The following TRIM3 variants were observed in gnomAD, a reference collection of about 807,000 sequenced individuals.
The protein encoded by TRIM3 is tripartite motif-containing protein 3.
In TRIM3, 13 loss-of-function variants were observed where a neutral mutation model predicts 66.6. That is an observed-to-expected ratio of 0.20 (90% CI 0.13 to 0.31). The LOEUF (loss-of-function observed/expected upper bound fraction) is 0.31, where lower values mean the gene tolerates loss of function less well. Ranked by LOEUF, TRIM3 falls within the 10% of genes least tolerant of loss-of-function variation. The probability of loss-of-function intolerance (pLI) is 1.00; values close to 1 mark genes in which losing one functional copy is unlikely to be tolerated. For synonymous variants in TRIM3, 406 were observed against 411.7 expected (o/e 0.99, Z 0.17); for missense variants, 711 against 1,020.4 (o/e 0.70, Z 4.13).
In TRIM3 at chr11:6,449,658, C is replaced by A. The variant is rs1033497271; in HGVS notation, c.1942-212G>T. The A allele has an allele frequency of 2.1e-6, 1 of 466,724 alleles. No homozygotes were observed. Among genetic ancestry groups the A allele is most frequent in the Non-Finnish European group, 3.8e-6 (1 of 265,058 alleles). 28.9% of individuals were successfully genotyped at this position (466,724 alleles called of 1,614,324 possible). On this transcript the variant is annotated intron_variant, in intron 10 of 11. Coordinates refer to ENST00000345851, the MANE Select transcript of TRIM3 (RefSeq NM_033278.4). The surrounding 1 kb of genome is among the most constrained non-coding windows in gnomAD (Gnocchi z 5.3). ...ATTGGGAATATCAAATCTAACAGCTCATTTTCTTTGGGAAATCAGTTCTCT... is the reference window on the plus strand; with the variant it reads ...ATTGGGAATATCAAATCTAACAGCTAATTTTCTTTGGGAAATCAGTTCTCT...
At chr11:6,464,752 C>G (rs1168072684) in intron 2 of TRIM3, among the ~76,000 whole-genome samples, 2 of 151,996 alleles carry the variant, frequency 1.3e-5, no homozygotes. Context: ...TTTGGGAGGC[C>G]GAGGTAGGCG....
At chr11:6,461,830 C>A (rs1022990250) in intron 2 of TRIM3, among the ~76,000 whole-genome samples, 3 of 152,090 alleles carry the variant, frequency 2.0e-5, no homozygotes, top group African/African-American at 7.2e-5. Flanking sequence ...CTAGGGTGAA[C>A]TTTTTACATT....
At chr11:6,469,679 C>G (rs377385285) in intron 1 of TRIM3, among the ~76,000 whole-genome samples, 2 of 152,268 alleles carry the variant, frequency 1.3e-5, no homozygotes, top group African/African-American at 4.8e-5. Context: ...GACACAAAGA[C>G]AAATAGTCAC....
At chr11:6,464,613 C>T (rs865999142) in intron 2 of TRIM3, among the ~76,000 whole-genome samples, 5 of 152,222 alleles carry the variant, frequency 3.3e-5, no homozygotes, top group Middle Eastern at 3.4e-3. Flanking sequence ...CCTTAAATAC[C>T]CTACTTGATT....
intron 1 of TRIM3, among the ~76,000 whole-genome samples, chr11:6,467,169 G>C (rs916514997): frequency 3.9e-5 from 6 of 152,124 alleles, no homozygotes; most frequent in East Asian, 3.9e-4. Flanking sequence ...AAGAAAAAAG[G>C]GATGCTGTGA....
Position 6,456,552 on chromosome 11 carries a change from C to A in TRIM3, c.1174G>T (p.Ala392Ser). The change falls in exon 6 of 12, where the codon GCG becomes TCG. Residue 392 changes from alanine to serine, a missense_variant. By Grantham distance (99) the Ala-to-Ser change is moderately conservative (BLOSUM62 1). Transcript: ENST00000345851. This position sits in a 1 kb window ranked among gnomAD's most constrained non-coding sequence, Gnocchi z 6.4. ...AGGAGCAGCTCGCCTTCCGTGCGCG[C>A]TGTGTACACTAGCTCATATGTGCCA... ...KNGTYELVYT[A>S]RTEGELLLSV... 1 of 1,609,924 alleles carries A rather than the reference C, an allele frequency of 6.2e-7. No homozygotes were observed. The highest frequency in any genetic ancestry group is 8.5e-7 in the Non-Finnish European group (1 of 1,177,486).
chr11:6,457,663 C>A lies in TRIM3; in HGVS notation c.515+33G>T, dbSNP rs758424852. On this transcript the variant is annotated intron_variant, in intron 4 of 11. Transcript: ENST00000345851. The surrounding 1 kb of genome is among the most constrained non-coding windows in gnomAD (Gnocchi z 4.5). The stretch of plus-strand genomic sequence containing the variant: ...CCGAGCTAAGACACCATCCCTGTGG[C>A]CCCACCAGCCCAGGACCCTGCCCAG... 12 of 1,595,628 alleles carry A rather than the reference C, an allele frequency of 7.5e-6. No homozygotes were observed. Among genetic ancestry groups the A allele is most frequent in the Non-Finnish European group, 1.0e-5 (12 of 1,167,554 alleles).
At chr11:6,473,046 C>G (rs997353712) in intron 1 of TRIM3, 1 of 152,714 alleles carries the variant, frequency 6.5e-6, no homozygotes, top group African/African-American at 2.4e-5. Context: ...ACCCCCACAC[C>G]AAGAACAAGC....
At chr11:6,460,046 G>C (rs1421088446) in intron 2 of TRIM3, among the ~76,000 whole-genome samples, 1 of 152,204 alleles carries the variant, frequency 6.6e-6, no homozygotes, top group African/African-American at 2.4e-5. Context: ...AAGAGAGAGG[G>C]ACAGAGCACT....
At position 6,450,138 on chromosome 11, in the gene TRIM3, T is replaced by C. The variant is rs181652113; in HGVS notation, c.1941+413A>G. The C allele has an allele frequency of 8.5e-4, 151 of 177,070 alleles. No homozygotes were observed. The highest frequency in any genetic ancestry group is 3.4e-3 in the African/African-American group (143 of 42,194). The allele number at this position is 177,070 out of a possible 1,614,324, so 11.0% of individuals were successfully genotyped here. A position where few individuals can be genotyped will look rare whatever the true frequency, so the allele number is the denominator to read the frequency against. ...TTGCATTCTTGGCTCTTCCTGTGTC[T>C]TTTGTCTCAAACACTCTCGTCCTCC... On this transcript the variant is annotated intron_variant, in intron 10 of 11. Transcript: ENST00000345851. The surrounding 1 kb of genome is among the most constrained non-coding windows in gnomAD (Gnocchi z 4.8).
Position 6,450,687 on chromosome 11 carries a change from T to C in TRIM3, c.1871-66A>G, listed in dbSNP as rs1849683838. The stretch of plus-strand genomic sequence containing the variant: ...GCTGAGTGGGATGGGGAAGAGTATC[T>C]GGGAAGATAAAAGCTAGGGTGTTAG... On this transcript the variant is annotated intron_variant, in intron 9 of 11. Coordinates refer to ENST00000345851, the MANE Select transcript of TRIM3 (RefSeq NM_033278.4). The surrounding 1 kb of genome is among the most constrained non-coding windows in gnomAD (Gnocchi z 4.8). The C allele has an allele frequency of 6.5e-7, 1 of 1,530,720 alleles. No homozygotes were observed. Among genetic ancestry groups the C allele is most frequent in the South Asian group, 1.1e-5 (1 of 89,370 alleles). 94.8% of individuals were successfully genotyped at this position (1,530,720 alleles called of 1,614,324 possible). A position where few individuals can be genotyped will look rare whatever the true frequency, so the allele number is the denominator to read the frequency against.
chr11:6,456,357 A>G lies in TRIM3; in HGVS notation c.1369T>C (p.Tyr457His). The change falls in exon 6 of 12, where the codon TAC becomes CAC. Residue 457 changes from tyrosine to histidine, a missense_variant. This residue lies in a region of TRIM3 where 399 missense variants were observed against 458.1 expected (regional missense o/e 0.87). Coordinates refer to ENST00000345851, the MANE Select transcript of TRIM3 (RefSeq NM_033278.4). This position sits in a 1 kb window ranked among gnomAD's most constrained non-coding sequence, Gnocchi z 6.4. Reference sequence around the variant, plus strand: ...TCCTTTCGTTTGCCGCCTGTGCTGTACATGGAGCTGGGCCTACGCACTGCC... The same window carrying G: ...TCCTTTCGTTTGCCGCCTGTGCTGTGCATGGAGCTGGGCCTACGCACTGCC... The part of the protein sequence containing the change: ...QKAVRRPSSM[Y>H]STGGKRKDNP... 5 of 1,539,116 alleles carry G rather than the reference A, an allele frequency of 3.2e-6. No homozygotes were observed. The highest frequency in any genetic ancestry group is 2.6e-6 in the Non-Finnish European group (3 of 1,140,082).
chr11:6,469,622 C>T (rs1850605799), intron 1 of TRIM3, among the ~76,000 whole-genome samples: 1 of 152,142 alleles, frequency 6.6e-6, no homozygotes, highest in South Asian at 2.1e-4. Context: ...CTCAAGGCAC[C>T]TCACTCCCTC....
At chr11:6,468,636 T>C (rs1352009929) in intron 1 of TRIM3, among the ~76,000 whole-genome samples, 1 of 152,124 alleles carries the variant, frequency 6.6e-6, no homozygotes, top group African/African-American at 2.4e-5. Flanking sequence ...CCACTAGATT[T>C]GGCTGTGGTG....
intron 1 of TRIM3, among the ~76,000 whole-genome samples, chr11:6,469,347 C>T (rs2134230353): frequency 6.6e-6 from 1 of 152,330 alleles, no homozygotes; most frequent in East Asian, 1.9e-4. Flanking sequence ...AGTTCCCCTC[C>T]CAGACTTACT....
Position 6,465,677 on chromosome 11 carries a change from T to C in TRIM3, c.19A>G (p.Ser7Gly). The change falls in exon 2 of 12, where the codon AGC becomes GGC. Residue 7 changes from serine (S) to glycine (G), a missense_variant. By Grantham distance (56) the Ser-to-Gly change is moderately conservative (BLOSUM62 0). Coordinates refer to ENST00000345851, the MANE Select transcript of TRIM3 (RefSeq NM_033278.4). ...ATTGGCTGGACCTCTGGGCCAGGGC[T>C]GTCCTCCCTCTTTGCCATGGCGCCC... MAKREDSPGPEVQPMDK... is the reference protein window; with the variant it reads MAKREDGPGPEVQPMDK... 1 of 1,614,110 alleles carries C rather than the reference T, an allele frequency of 6.2e-7. No homozygotes were observed. The highest frequency in any genetic ancestry group is 8.5e-7 in the Non-Finnish European group (1 of 1,180,008).
Position 6,458,833 on chromosome 11 carries a change from A to G in TRIM3, c.132-537T>C, listed in dbSNP as rs2723647. 0.35 allele frequency among the ~76,000 whole-genome samples: 52,905 copies of G among 152,134 alleles called. 12,919 individuals are homozygous for G. The highest frequency in any genetic ancestry group is 0.69 in the African/African-American group (28,787 of 41,478). On this transcript the variant is annotated intron_variant, in intron 2 of 11. Transcript: ENST00000345851. This position sits in a 1 kb window ranked among gnomAD's most constrained non-coding sequence, Gnocchi z 6.2. ...CCCCGTTGGTCACCTGTTATACTGT[A>G]TGACCCCTGACAAGTTACATAACTT...
intron 7 of TRIM3, chr11:6,451,729 G>A (rs1052723647): frequency 2.1e-5 from 8 of 381,558 alleles, no homozygotes; most frequent in Admixed American, 1.3e-4. Context: ...AACCAAATTC[G>A]GCCAGGAAAG....
At position 6,456,708 on chromosome 11, in the gene TRIM3, G is replaced by C. The variant is rs1850006294; in HGVS notation, c.1018C>G (p.Pro340Ala). 5.6e-6 allele frequency: 9 copies of C among 1,607,442 alleles called. No individual in the cohort carries two copies. The highest frequency in any genetic ancestry group is 7.6e-6 in the Non-Finnish European group (9 of 1,177,732). ...EGLRQALVGQ[P>A]ASLTVTTKDK... ...TTGGTAGTGACAGTGAGCGAGGCAG[G>C]CTGGCCCACTAGCGCCTGGCGCAGG... is the stretch of plus-strand genomic sequence containing the variant. The change falls in exon 6 of 12, where the codon CCT becomes GCT. Residue 340 changes from proline (P) to alanine (A), a missense_variant. This residue lies in a region of TRIM3 where 399 missense variants were observed against 458.1 expected (regional missense o/e 0.87). Transcript: ENST00000345851. The surrounding 1 kb of genome is among the most constrained non-coding windows in gnomAD (Gnocchi z 6.4).
Sources: gnomAD v4.1 joint callset for allele counts (sites outside exome capture counted in the v4.1 genomes callset) on GRCh38, gnomAD v4.1.1 for gene constraint, gnomAD v4.1.1 regional missense constraint, Gnocchi (gnomAD v3.1) non-coding constraint, MANE v1.5 for transcripts, NCBI Gene and HGNC (gene_info 2026-07-23, HGNC 2026-07-21) for gene names.